Variants in EPB41L4A observed in about 807,000 individuals in gnomAD.
The protein encoded by EPB41L4A is band 4.1-like protein 4A.
A neutral mutation model predicts 108.6 loss-of-function variants in EPB41L4A; 100 were observed. That is an observed-to-expected ratio of 0.92 (90% CI 0.78 to 1.09). The LOEUF (loss-of-function observed/expected upper bound fraction) is 1.09. EPB41L4A is among the 50% of genes least tolerant of loss of function. The pLI is 0.00. For missense variants in EPB41L4A, 1,030 were observed against 842.7 expected (o/e 1.22, Z -2.75); for synonymous variants, 319 against 289.0 (o/e 1.10, Z -1.05).
intron 1 of EPB41L4A, among the ~76,000 whole-genome samples, chr5:112,393,987 A>C (rs1316726419): frequency 6.6e-6 from 1 of 152,298 alleles, no homozygotes; most frequent in East Asian, 1.9e-4. Flanking sequence ...AAAGACAAAA[A>C]TCACATGATT....
chr5:112,260,070 T>C (rs1751392606), intron 7 of EPB41L4A, 91 bp from the exon 8 acceptor site: 1 of 941,276 alleles, frequency 1.1e-6, no homozygotes, highest in South Asian at 1.5e-5. Context: ...ATTTGTTACA[T>C]TAATATTGGA....
At chr5:112,199,108 T>C (rs1228456938) in intron 15 of EPB41L4A, among the ~76,000 whole-genome samples, 2 of 152,236 alleles carry the variant, frequency 1.3e-5, no homozygotes, top group African/African-American at 2.4e-5. Flanking sequence ...ATCATTTCAC[T>C]GGATGATCCT....
chr5:112,288,282 A>G (rs1342215221), intron 2 of EPB41L4A, among the ~76,000 whole-genome samples: 3 of 152,206 alleles, frequency 2.0e-5, no homozygotes, highest in South Asian at 4.2e-4. Flanking sequence ...TTTGTCTAAT[A>G]AAGTTAATTA....
chr5:112,176,944 G>A (rs191453495), intron 18 of EPB41L4A, among the ~76,000 whole-genome samples: 4 of 151,688 alleles, frequency 2.6e-5, no homozygotes, highest in African/African-American at 7.2e-5. Context: ...TAGTAGAGAC[G>A]AGGTTTCACC....
intron 1 of EPB41L4A, among the ~76,000 whole-genome samples, chr5:112,393,252 G>A (rs920709030): frequency 6.6e-6 from 1 of 152,154 alleles, no homozygotes; most frequent in Non-Finnish European, 1.5e-5. Flanking sequence ...GAGCAGAACT[G>A]AAGGAGATAG....
chr5:112,213,624 G>T (rs774964687), intron 12 of EPB41L4A, among the ~76,000 whole-genome samples: 1 of 152,170 alleles, frequency 6.6e-6, no homozygotes, highest in Non-Finnish European at 1.5e-5. Context: ...AAGGTGCTGG[G>T]ATAACAGGCA....
chr5:112,230,586 T>A (rs967408714), intron 12 of EPB41L4A, among the ~76,000 whole-genome samples: 3 of 152,184 alleles, frequency 2.0e-5, no homozygotes, highest in African/African-American at 7.2e-5. Flanking sequence ...TATTCATTTT[T>A]TTTCCTGCTG....
chr5:112,239,578 A>G (rs1034526183), intron 11 of EPB41L4A, 82 bp downstream of exon 11: 16 of 804,902 alleles, frequency 2.0e-5, no homozygotes, highest in African/African-American at 1.3e-4. Context: ...AAATAAATAA[A>G]TAACTTCACT....
chr5:112,314,246 C>G (rs1755261128), intron 1 of EPB41L4A, among the ~76,000 whole-genome samples: 1 of 151,970 alleles, frequency 6.6e-6, no homozygotes, highest in Non-Finnish European at 1.5e-5. Flanking sequence ...AATGTGGAAG[C>G]TATGCACCCC....
chr5:112,406,955 C>T (rs1762109627), intron 1 of EPB41L4A, among the ~76,000 whole-genome samples: 1 of 152,108 alleles, frequency 6.6e-6, no homozygotes, highest in Admixed American at 6.6e-5. Flanking sequence ...TATGTCAGCT[C>T]TTCCACACTC....
At chr5:112,222,536 G>T (rs150140066) in intron 12 of EPB41L4A, among the ~76,000 whole-genome samples, 17 of 152,320 alleles carry the variant, frequency 1.1e-4, no homozygotes, top group African/African-American at 4.1e-4. Context: ...CATGGTGAAT[G>T]CACAACAGGA....
rs569933575 is a variant in EPB41L4A at position 112,397,281 on chromosome 5, C to A, written c.99+21660G>T. ...CCCAAGGAAATAACTTTGAGAGTTT[C>A]TCTGAAAAGTAAAAATACTAATTTT... On this transcript the variant is annotated intron_variant, in intron 1 of 22. Transcript: ENST00000261486. Among the ~76,000 whole-genome samples the A allele has an allele frequency of 3.3e-5, 5 of 152,274 alleles. No homozygotes were observed. In the East Asian group the frequency reaches 7.7e-4, roughly 23 times the overall value.
intron 1 of EPB41L4A, among the ~76,000 whole-genome samples, chr5:112,321,019 G>C (rs975903832): frequency 2.6e-5 from 4 of 152,218 alleles, no homozygotes; most frequent in African/African-American, 7.2e-5. Flanking sequence ...AAAGGGTCGT[G>C]AGATTACAGG....
chr5:112,419,441 G>A (rs1762948212), upstream of EPB41L4A: 2 of 359,278 alleles, frequency 5.6e-6, no homozygotes, highest in African/African-American at 2.1e-5. Flanking sequence ...GCTCTCCCCG[G>A]CCTTGGAAAA....
At chr5:112,348,724 G>A (rs150341136) in intron 1 of EPB41L4A, among the ~76,000 whole-genome samples, 1,889 of 152,266 alleles carry the variant, frequency 0.012, 41 homozygotes, top group South Asian at 0.05. Context: ...ATCTGTTAGG[G>A]ATTCCATATG....
intron 1 of EPB41L4A, among the ~76,000 whole-genome samples, chr5:112,398,629 T>A (rs1421276347): frequency 2.0e-5 from 3 of 152,124 alleles, no homozygotes; most frequent in Non-Finnish European, 2.9e-5. Flanking sequence ...GCTCAAGTGA[T>A]CCTCCTGCCT....
chr5:112,201,323 G>C (rs1390253726), intron 15 of EPB41L4A, among the ~76,000 whole-genome samples: 1 of 152,184 alleles, frequency 6.6e-6, no homozygotes, highest in Admixed American at 6.5e-5. Flanking sequence ...ATACGCCAAT[G>C]AAAGGATCCT....
chr5:112,176,006 T>C (rs1760842143), intron 18 of EPB41L4A, among the ~76,000 whole-genome samples: 1 of 152,134 alleles, frequency 6.6e-6, no homozygotes, highest in African/African-American at 2.4e-5. Context: ...CTAAGGACTT[T>C]TTGTGAGTTG....
chr5:112,362,314 CCT>C (rs1396020817), intron 1 of EPB41L4A, among the ~76,000 whole-genome samples: 3 of 149,750 alleles, frequency 2.0e-5, no homozygotes, highest in Non-Finnish European at 3.0e-5. Flanking sequence ...GGAGTCTCAC[CCT>C]GTCACCCAGG....
Sources: allele counts gnomAD v4.1 joint callset (sites outside exome capture counted in the v4.1 genomes callset), GRCh38; gene constraint gnomAD v4.1.1; transcripts MANE v1.5; gene names NCBI Gene and HGNC (gene_info 2026-07-23, HGNC 2026-07-21).